The following NXPE4 variants were observed in gnomAD, a reference collection of about 807,000 sequenced individuals.
NXPE4 encodes neurexophilin and PC-esterase domain family member 4.
A neutral mutation model predicts 33.3 loss-of-function variants in NXPE4; 42 were observed. That is an observed-to-expected ratio of 1.26 (90% CI 0.98 to 1.63). The LOEUF (loss-of-function observed/expected upper bound fraction) is 1.63, where lower values mean the gene tolerates loss of function less well. Among genes scored for constraint, NXPE4 ranks in the 40% most tolerant of loss-of-function variants. The pLI is 0.00. For synonymous variants in NXPE4, 253 were observed against 234.9 expected (o/e 1.08, Z -0.71); for missense variants, 709 against 647.6 (o/e 1.09, Z -1.03).
the NXPE4 span, among the ~76,000 whole-genome samples, chr11:114,662,691 A>G: frequency 6.6e-6 from 1 of 152,020 alleles, no homozygotes; most frequent in South Asian, 2.1e-4. Context: ...TTTGTCTTCC[A>G]TTTAGGATAC....
chr11:114,591,667 T>A (rs1949457627), intron 2 of NXPE4, among the ~76,000 whole-genome samples: 1 of 152,154 alleles, frequency 6.6e-6, no homozygotes, highest in Non-Finnish European at 1.5e-5. Context: ...AAGCTGTACT[T>A]TCCAGCCTCC....
chr11:114,607,601 G>A, the NXPE4 span, among the ~76,000 whole-genome samples: 25 of 150,496 alleles, frequency 1.7e-4, no homozygotes, highest in Non-Finnish European at 3.3e-4. Flanking sequence ...GTCATGCCTC[G>A]TGAGTAACCA....
chr11:114,606,181 G>A, the NXPE4 span, among the ~76,000 whole-genome samples: 5 of 151,804 alleles, frequency 3.3e-5, no homozygotes, highest in African/African-American at 1.2e-4. Flanking sequence ...TGCCTTGTGG[G>A]TAATCACAGT....
At chr11:114,600,707 T>TA (rs1238209068), upstream of NXPE4, among the ~76,000 whole-genome samples, 2 of 151,972 alleles carry the variant, frequency 1.3e-5, no homozygotes, top group African/African-American at 2.4e-5. Flanking sequence ...GAAAAACTAG[T>TA]AAAATCCAAA....
the NXPE4 span, among the ~76,000 whole-genome samples, chr11:114,630,083 A>G: frequency 6.6e-6 from 1 of 151,744 alleles, no homozygotes; most frequent in Non-Finnish European, 1.5e-5. Flanking sequence ...TATCGTGAAA[A>G]TGGCCATACT....
At chr11:114,615,499 T>C in the NXPE4 span, among the ~76,000 whole-genome samples, 1 of 151,884 alleles carries the variant, frequency 6.6e-6, no homozygotes, top group Non-Finnish European at 1.5e-5. Context: ...TGTTACCTGG[T>C]GGATAATACA....
the NXPE4 span, among the ~76,000 whole-genome samples, chr11:114,663,718 TCTAC>T: frequency 1.7e-5 from 2 of 117,766 alleles, no homozygotes; most frequent in Non-Finnish European, 3.7e-5. Flanking sequence ...ATCTATCTGA[TCTAC>T]CTACCTATCT....
the NXPE4 span, among the ~76,000 whole-genome samples, chr11:114,650,610 T>C: frequency 1.3e-5 from 2 of 152,096 alleles, no homozygotes; most frequent in African/African-American, 4.8e-5. Context: ...GGTGGAAGAA[T>C]AAGACCTCTA....
intron 5 of NXPE4, among the ~76,000 whole-genome samples, chr11:114,573,977 G>C (rs1228784973): frequency 6.6e-6 from 1 of 151,882 alleles, no homozygotes; most frequent in African/African-American, 2.4e-5. Flanking sequence ...ACAAGTCTCA[G>C]TAAATTTAAG....
chr11:114,609,416 T>C, the NXPE4 span, among the ~76,000 whole-genome samples: 1 of 150,454 alleles, frequency 6.6e-6, no homozygotes, highest in Admixed American at 6.6e-5. Context: ...ACTGTTACCC[T>C]GTGGATAATA....
intron 2 of NXPE4, among the ~76,000 whole-genome samples, chr11:114,584,877 C>T (rs1949253816): frequency 6.6e-6 from 1 of 152,138 alleles, no homozygotes; most frequent in East Asian, 1.9e-4. Context: ...GTGATCTCTT[C>T]TAGGAAATGC....
At chr11:114,589,290 C>T (rs1344373734) in intron 2 of NXPE4, among the ~76,000 whole-genome samples, 1 of 152,196 alleles carries the variant, frequency 6.6e-6, no homozygotes, top group African/African-American at 2.4e-5. Flanking sequence ...GCTCCAGTGG[C>T]TCAAATTCCC....
At chr11:114,580,637 T>C (rs1949121870) in intron 4 of NXPE4, among the ~76,000 whole-genome samples, 2 of 152,330 alleles carry the variant, frequency 1.3e-5, no homozygotes, top group South Asian at 4.1e-4. Context: ...TCTATGAAAC[T>C]AAAGTCATCA....
At chr11:114,653,386 A>G in the NXPE4 span, among the ~76,000 whole-genome samples, 1 of 152,056 alleles carries the variant, frequency 6.6e-6, no homozygotes, top group East Asian at 1.9e-4. Flanking sequence ...TAGACAATAA[A>G]CCATCTATTT....
chr11:114,581,589 G>A, intron 4 of NXPE4, 136 bp downstream of exon 4: 1 of 694,622 alleles, frequency 1.4e-6, no homozygotes, highest in Non-Finnish European at 2.5e-6. Flanking sequence ...GGTAACTGGT[G>A]TCTTGGCCAA....
At chr11:114,602,688 T>A in the NXPE4 span, among the ~76,000 whole-genome samples, 1 of 140,292 alleles carries the variant, frequency 7.1e-6, no homozygotes, top group Non-Finnish European at 1.5e-5. Flanking sequence ...ATGTAATAAT[T>A]ATCTCATATA....
chr11:114,577,201 G>A (rs1437990478), intron 5 of NXPE4, among the ~76,000 whole-genome samples: 1 of 148,680 alleles, frequency 6.7e-6, no homozygotes. Context: ...CACACACACT[G>A]TGGAATACTA....
the NXPE4 span, among the ~76,000 whole-genome samples, chr11:114,673,949 A>G: frequency 5.3e-5 from 8 of 151,862 alleles, no homozygotes; most frequent in African/African-American, 1.7e-4. Context: ...TCACCATGAC[A>G]ATGTCATTTA....
At chr11:114,640,420 A>T in the NXPE4 span, among the ~76,000 whole-genome samples, 7 of 151,262 alleles carry the variant, frequency 4.6e-5, no homozygotes, top group African/African-American at 1.7e-4. Context: ...TGCAATATAT[A>T]TTCACGTGCA....
Sources: allele counts gnomAD v4.1 joint callset (sites outside exome capture counted in the v4.1 genomes callset), GRCh38; gene constraint gnomAD v4.1.1; transcripts MANE v1.5; gene names NCBI Gene and HGNC (gene_info 2026-07-23, HGNC 2026-07-21).